TXLNB: variants seen among roughly 807,000 people sequenced by gnomAD.
The protein encoded by TXLNB is taxilin beta.
In TXLNB, 37 loss-of-function variants were observed where a neutral mutation model predicts 57.4. That is an observed-to-expected ratio of 0.64 (90% CI 0.50 to 0.85). The LOEUF is 0.85. TXLNB is among the 40% of genes least tolerant of loss of function. TXLNB has a pLI of 0.00. For missense variants in TXLNB, 848 were observed against 825.6 expected, an observed-to-expected ratio of 1.03 and a Z score of -0.33; for synonymous variants, 302 against 309.6, an observed-to-expected ratio of 0.98 and a Z score of 0.26.
At chr6:139,160,720 AC>A in the TXLNB span, among the ~76,000 whole-genome samples, 2 of 152,198 alleles carry the variant, frequency 1.3e-5, no homozygotes, top group African/African-American at 4.8e-5. Flanking sequence ...GGCCATACTT[AC>A]TTATTTTCTA....
the TXLNB span, among the ~76,000 whole-genome samples, chr6:139,312,004 G>T: frequency 2.6e-5 from 4 of 152,056 alleles, no homozygotes; most frequent in South Asian, 6.2e-4. Context: ...CTTCCCAAAG[G>T]CCCCACCTCC....
chr6:139,313,919 T>C, the TXLNB span, among the ~76,000 whole-genome samples: 1 of 152,174 alleles, frequency 6.6e-6, no homozygotes, highest in Non-Finnish European at 1.5e-5. Flanking sequence ...GGCCTGCCTC[T>C]TTCTGCTCTC....
chr6:139,305,547 G>C, the TXLNB span, among the ~76,000 whole-genome samples: 1 of 152,080 alleles, frequency 6.6e-6, no homozygotes, highest in Non-Finnish European at 1.5e-5. Flanking sequence ...CAATGAAAAG[G>C]CATCTAAATC....
the TXLNB span, among the ~76,000 whole-genome samples, chr6:139,300,581 T>G: frequency 1.3e-5 from 2 of 152,254 alleles, no homozygotes; most frequent in Middle Eastern, 3.4e-3. Flanking sequence ...TCCTAATGTA[T>G]CTTATATGAC....
At chr6:139,259,528 T>C (rs1293925227) in intron 6 of TXLNB, among the ~76,000 whole-genome samples, 1 of 152,212 alleles carries the variant, frequency 6.6e-6, no homozygotes, top group Non-Finnish European at 1.5e-5. Context: ...AGGGCTTAGC[T>C]CAAGCATTCG....
chr6:139,216,416 A>G, the TXLNB span, among the ~76,000 whole-genome samples: 1 of 142,152 alleles, frequency 7.0e-6, no homozygotes, highest in Non-Finnish European at 1.5e-5. Context: ...ATAGGTGGGA[A>G]TTGAACAATG....
chr6:139,239,161 G>A (rs1374761182), downstream of TXLNB: 1 of 152,258 alleles, frequency 6.6e-6, no homozygotes, highest in African/African-American at 2.4e-5. This position sits in a 1 kb window ranked among gnomAD's most constrained non-coding sequence, Gnocchi z 4.7. Context: ...GCCCCTCCCA[G>A]GTCAGTGTGG....
At chr6:139,188,069 C>G in the TXLNB span, among the ~76,000 whole-genome samples, 1 of 152,130 alleles carries the variant, frequency 6.6e-6, no homozygotes, top group Non-Finnish European at 1.5e-5. Flanking sequence ...TTTCCATCAC[C>G]AACCAGTTAG....
chr6:139,214,414 G>T, the TXLNB span, among the ~76,000 whole-genome samples: 6 of 152,186 alleles, frequency 3.9e-5, no homozygotes, highest in Non-Finnish European at 7.3e-5. Context: ...AAAGGCCTTT[G>T]ACAAAATTCA....
chr6:139,212,626 CA>C, the TXLNB span, among the ~76,000 whole-genome samples: 1 of 152,148 alleles, frequency 6.6e-6, no homozygotes, highest in Non-Finnish European at 1.5e-5. Flanking sequence ...TCACACATAA[CA>C]ATACTAACCT....
chr6:139,242,706 C>T lies in TXLNB; in HGVS notation c.1875G>A (p.Lys625=), dbSNP rs372867965. The part of the protein sequence containing the change: ...PQAPTEASLQ[K]MEADVPAPAC... Reference sequence around the variant, plus strand: ...CTGGAGCAGGCACATCTGCCTCCATCTTCTGTAGGGAGGCCTCGGTGGGAG... The same window carrying T: ...CTGGAGCAGGCACATCTGCCTCCATTTTCTGTAGGGAGGCCTCGGTGGGAG... Residue 625 remains lysine, a synonymous_variant, in exon 10 of 10, where the codon AAG becomes AAA. Transcript: ENST00000358430. 2.2e-5 allele frequency: 35 copies of T among 1,611,586 alleles called. 1 individual carries two copies. The East Asian group carries it at 2.2e-4, about 10-fold the overall frequency.
At chr6:139,190,200 C>T in the TXLNB span, among the ~76,000 whole-genome samples, 281 of 151,942 alleles carry the variant, frequency 1.8e-3, no homozygotes, top group Non-Finnish European at 2.6e-3. Flanking sequence ...GACTGCGTAA[C>T]TTATAAACAA....
rs921310119 is a variant in TXLNB, at chr6:139,243,150, C to G, written c.1431G>C (p.Glu477Asp). Residue 477 changes from glutamate (E) to aspartate (D), a missense_variant, in exon 10 of 10, where the codon GAG (glutamate) becomes GAC (aspartate). Transcript: ENST00000358430. ...GATCCACAGAGACGTTTGACTCTGG[C>G]TCTTCATCGGAGTTGTGCTGACTTT... Reference protein sequence around the residue: ...DDQSQHNSDEEPESNVSVDQE... With the variant: ...DDQSQHNSDEDPESNVSVDQE... 1 of 1,614,080 alleles carries G rather than the reference C, an allele frequency of 6.2e-7. No individual in the cohort carries two copies. The highest frequency in any genetic ancestry group is 1.3e-5 in the African/African-American group (1 of 74,932).
At chr6:139,176,851 G>A in the TXLNB span, 18 of 751,644 alleles carry the variant, frequency 2.4e-5, no homozygotes, top group South Asian at 2.4e-4. The surrounding 1 kb of genome is among the most constrained non-coding windows in gnomAD (Gnocchi z 4.5). Context: ...CAAAGCCCTT[G>A]ATCAGTTTCC....
the TXLNB span, chr6:139,174,458 T>A: frequency 6.2e-7 from 1 of 1,614,024 alleles, no homozygotes; most frequent in Non-Finnish European, 8.5e-7. Context: ...GCATCAAGTG[T>A]AAGTCACGGT....
the TXLNB span, among the ~76,000 whole-genome samples, chr6:139,305,621 C>T: frequency 6.6e-6 from 1 of 152,054 alleles, no homozygotes; most frequent in Non-Finnish European, 1.5e-5. Flanking sequence ...TTTAAAAAAT[C>T]CCAAACACAT....
chr6:139,288,785 G>C lies in TXLNB; in HGVS notation c.115C>G (p.Pro39Ala). 1 of 1,614,220 alleles carries C rather than the reference G, an allele frequency of 6.2e-7. No homozygotes were observed. Residue 39 changes from proline to alanine, a missense_variant, in exon 2 of 10, where the codon CCA (proline) becomes GCA (alanine). By Grantham distance (27) the Pro-to-Ala change is conservative. Transcript: ENST00000358430. Reference protein sequence around the residue: ...GLEKEDGQDSPTPVQPPEKEA... With the variant: ...GLEKEDGQDSATPVQPPEKEA... The stretch of plus-strand genomic sequence containing the variant: ...TTCTCTGGTGGTTGGACTGGGGTTG[G>C]AGAATCCTGGCCATCTTCCTTCTCC...
rs745601131 is a variant in TXLNB, at chr6:139,241,254, G to A, written c.*1272C>T. 2.0e-5 allele frequency: 3 copies of A among 152,140 alleles called. No individual in the cohort carries two copies. Among genetic ancestry groups the A allele is most frequent in the Non-Finnish European group, 2.9e-5 (2 of 68,014 alleles). 9.4% of individuals were successfully genotyped at this position (152,140 alleles called of 1,614,324 possible). A position where few individuals can be genotyped will look rare whatever the true frequency, so the allele number is the denominator to read the frequency against. The stretch of plus-strand genomic sequence containing the variant: ...AAGAGAAATCCTCATGGCAGAAAAC[G>A]TGTTGGTTTGTAAGCCTCATCACTG... On this transcript the variant is annotated 3_prime_UTR_variant, in exon 10 of 10. Transcript: ENST00000358430.
upstream of TXLNB, among the ~76,000 whole-genome samples, chr6:139,296,274 A>G (rs757140073): frequency 5.9e-5 from 9 of 152,140 alleles, no homozygotes; most frequent in Non-Finnish European, 1.2e-4. Context: ...ATACCCTTAT[A>G]CTTACTTGAT....
Sources: allele counts gnomAD v4.1 joint callset (sites outside exome capture counted in the v4.1 genomes callset), GRCh38; gene constraint gnomAD v4.1.1; non-coding constraint Gnocchi (gnomAD v3.1); transcripts MANE v1.5; gene names NCBI Gene and HGNC (gene_info 2026-07-23, HGNC 2026-07-21).